GPC4: variants seen among roughly 807,000 people sequenced by gnomAD.
The protein encoded by GPC4 is glypican-4.
A neutral mutation model predicts 35.0 loss-of-function variants in GPC4; 10 were observed. The ratio of observed to expected loss-of-function variants is 0.29; its 90% CI spans 0.18 to 0.48. The LOEUF (loss-of-function observed/expected upper bound fraction) is 0.48, where lower values mean the gene tolerates loss of function less well. GPC4 is among the 20% of genes least tolerant of loss of function. The probability of loss-of-function intolerance (pLI) is 0.99; values close to 1 mark genes in which losing one functional copy is unlikely to be tolerated. For missense variants in GPC4, 322 were observed against 451.3 expected (o/e 0.71, Z 2.60); for synonymous variants, 167 against 170.2 (o/e 0.98, Z 0.15).
At chrX:133,341,406 T>A (rs1013950335) in intron 1 of GPC4, among the ~76,000 whole-genome samples, 3 of 112,365 alleles carry the variant, frequency 2.7e-5, no homozygotes, top group African/African-American at 6.5e-5. Flanking sequence ...AATTACTTCA[T>A]AATAAAGACT....
chrX:133,304,758 T>G lies in GPC4; in HGVS notation c.1259A>C (p.Glu420Ala). ...GCCTTTCCCATTCCAACAGTCATCC[T>G]CATTGCCGTTTCCTGCAGCCATCCT... ...DERMAAGNGNEDDCWNGKGKS... is the reference protein window; with the variant it reads ...DERMAAGNGNADDCWNGKGKS... The change falls in exon 7 of 9, where the codon GAG becomes GCG. Residue 420 changes from glutamate to alanine, a missense_variant. Physicochemically the swap from Glu to Ala is moderately radical, Grantham distance 107 (BLOSUM62 -1). Transcript: ENST00000370828. 1 of 1,211,986 alleles carries G rather than the reference T, an allele frequency of 8.3e-7. No homozygotes were observed. Among genetic ancestry groups the G allele is most frequent in the South Asian group, 1.8e-5 (1 of 56,996 alleles).
chrX:133,346,730 C>G (rs1375359068), intron 1 of GPC4, among the ~76,000 whole-genome samples: 1 of 111,669 alleles, frequency 9.0e-6, no homozygotes, highest in Non-Finnish European at 1.9e-5. Context: ...ATTACTCAGC[C>G]ATTGGAAGGA....
At chrX:133,319,455 A>AT (rs1266576383) in intron 3 of GPC4, among the ~76,000 whole-genome samples, 1 of 104,882 alleles carries the variant, frequency 9.5e-6, no homozygotes, top group East Asian at 2.9e-4. Flanking sequence ...AAAAAAAAAA[A>AT]AAAAAAAAAA....
chrX:133,303,237 A>G lies in GPC4; in HGVS notation c.1397T>C (p.Met466Thr). Residue 466 changes from methionine (M) to threonine (T), a missense_variant, in exon 8 of 9, where the codon ATG becomes ACG. Transcript: ENST00000370828. ...KPDILILRQI[M>T]ALRVMTSKMK... ...CTTGCTGGTCATCACTCGAAGAGCC[A>G]TGATTTGACGAAGGATCAGTATGTC... 2 of 1,211,661 alleles carry G rather than the reference A, an allele frequency of 1.7e-6. No individual in the cohort carries two copies. Among genetic ancestry groups the G allele is most frequent in the Non-Finnish European group, 2.2e-6 (2 of 895,327 alleles).
At chrX:133,399,232 T>C (rs182059626) in intron 1 of GPC4, among the ~76,000 whole-genome samples, 68 of 112,032 alleles carry the variant, frequency 6.1e-4, no homozygotes, top group African/African-American at 2.2e-3. Context: ...CATAAAAGCC[T>C]AAAGGCTTTA....
chrX:133,330,721 G>A (rs939830275), intron 2 of GPC4, among the ~76,000 whole-genome samples: 1 of 110,316 alleles, frequency 9.1e-6, no homozygotes, highest in Non-Finnish European at 1.9e-5. Context: ...CCCAAGGCGG[G>A]AGGACTGCTT....
intron 3 of GPC4, among the ~76,000 whole-genome samples, chrX:133,315,377 G>A (rs936491201): frequency 9.1e-6 from 1 of 110,308 alleles, no homozygotes; most frequent in Non-Finnish European, 1.9e-5. Context: ...ACTGTCACAT[G>A]GTAATATACC....
chrX:133,335,746 T>C (rs2068440114), intron 2 of GPC4, among the ~76,000 whole-genome samples: 1 of 112,152 alleles, frequency 8.9e-6, no homozygotes, highest in South Asian at 3.7e-4. Flanking sequence ...CCCCCAAACT[T>C]TATTTTTGTT....
At chrX:133,328,173 T>C (rs1399002639) in intron 2 of GPC4, among the ~76,000 whole-genome samples, 3 of 111,100 alleles carry the variant, frequency 2.7e-5, no homozygotes, top group Non-Finnish European at 5.7e-5. Flanking sequence ...TACAAAAAGT[T>C]CCTAAATATT....
chrX:133,324,844 T>C (rs1305214617), intron 2 of GPC4, among the ~76,000 whole-genome samples: 3 of 111,448 alleles, frequency 2.7e-5, no homozygotes, highest in Non-Finnish European at 5.6e-5. Context: ...TCTCACTTTC[T>C]CTCTGTCATA....
intron 1 of GPC4, among the ~76,000 whole-genome samples, chrX:133,393,428 C>A (rs1207133314): frequency 2.8e-5 from 3 of 108,853 alleles, no homozygotes; most frequent in Non-Finnish European, 5.7e-5. Flanking sequence ...TTTTTAAAAA[C>A]CAGAGTAGAT....
intron 1 of GPC4, among the ~76,000 whole-genome samples, chrX:133,400,879 C>T (rs1033856605): frequency 2.5e-5 from 2 of 80,514 alleles, no homozygotes; most frequent in Admixed American, 2.1e-4. Flanking sequence ...GGAAGAAGGA[C>T]GAAGTATATG....
intron 1 of GPC4, among the ~76,000 whole-genome samples, chrX:133,357,460 T>C (rs773681589): frequency 9.2e-6 from 1 of 108,595 alleles, no homozygotes; most frequent in African/African-American, 3.3e-5. Context: ...TCATCATAGC[T>C]CACTGTACCC....
chrX:133,399,659 C>T (rs1204734908), intron 1 of GPC4, among the ~76,000 whole-genome samples: 2 of 111,916 alleles, frequency 1.8e-5, no homozygotes, highest in East Asian at 2.8e-4. Flanking sequence ...TTCAGTCTTT[C>T]ATTTGCATAA....
intron 1 of GPC4, among the ~76,000 whole-genome samples, chrX:133,367,784 C>T (rs1366252288): frequency 8.9e-6 from 1 of 112,104 alleles, no homozygotes; most frequent in Non-Finnish European, 1.9e-5. Flanking sequence ...GAGAGGATCA[C>T]CTGAGCCCAG....
At chrX:133,386,848 C>T (rs975850360) in intron 1 of GPC4, among the ~76,000 whole-genome samples, 2 of 111,502 alleles carry the variant, frequency 1.8e-5, no homozygotes, top group African/African-American at 6.5e-5. Context: ...AACCCACATG[C>T]TAATCCACCC....
At chrX:133,337,624 A>G (rs767390251) in intron 2 of GPC4, among the ~76,000 whole-genome samples, 1 of 111,502 alleles carries the variant, frequency 9.0e-6, no homozygotes. Flanking sequence ...AAATATCAAC[A>G]TCTTAAGTTT....
chrX:133,364,736 C>G (rs1569350830), intron 1 of GPC4, among the ~76,000 whole-genome samples: 1 of 112,121 alleles, frequency 8.9e-6, no homozygotes, highest in Non-Finnish European at 1.9e-5. Flanking sequence ...AAAGAGAACA[C>G]ATAATCAACT....
chrX:133,376,031 T>C (rs1248816175), intron 1 of GPC4, among the ~76,000 whole-genome samples: 1 of 111,883 alleles, frequency 8.9e-6, no homozygotes, highest in Non-Finnish European at 1.9e-5. Flanking sequence ...TTGAGAGCCG[T>C]CCTATAGCCA....
Sources: gnomAD v4.1 joint callset for allele counts (sites outside exome capture counted in the v4.1 genomes callset) on GRCh38, gnomAD v4.1.1 for gene constraint, MANE v1.5 for transcripts, NCBI Gene and HGNC (gene_info 2026-07-23, HGNC 2026-07-21) for gene names.